CBX5: variants seen among roughly 807,000 people sequenced by gnomAD.
CBX5 encodes the protein chromobox protein homolog 5.
Under a neutral mutation model 20.7 loss-of-function variants are expected in CBX5, and 7 were observed. That is an observed-to-expected ratio of 0.34 (90% CI 0.19 to 0.63). CBX5 has a LOEUF of 0.63. CBX5 is among the 30% of genes least tolerant of loss of function. CBX5 has a pLI of 0.75. For synonymous variants in CBX5, 78 were observed against 77.0 expected, an observed-to-expected ratio of 1.01 and a Z score of -0.07; for missense variants, 110 against 224.1, an observed-to-expected ratio of 0.49 and a Z score of 3.25.
chr12:54,247,390 A>G (rs1279037371), intron 3 of CBX5, among the ~76,000 whole-genome samples: 1 of 152,202 alleles, frequency 6.6e-6, no homozygotes, highest in Non-Finnish European at 1.5e-5. Context: ...AGCTGGGCAC[A>G]GTGATGCACA....
chr12:54,244,836 C>T (rs929869472), intron 4 of CBX5, among the ~76,000 whole-genome samples: 4 of 152,022 alleles, frequency 2.6e-5, no homozygotes, highest in Non-Finnish European at 5.9e-5. Context: ...AGCTTTAATG[C>T]TTTTTGTTGA....
intron 1 of CBX5, among the ~76,000 whole-genome samples, chr12:54,267,249 T>C (rs890524053): frequency 1.3e-5 from 2 of 152,174 alleles, no homozygotes; most frequent in Non-Finnish European, 2.9e-5. Flanking sequence ...GAATCTTAGA[T>C]TTATACATAC....
intron 1 of CBX5, among the ~76,000 whole-genome samples, chr12:54,260,518 G>A (rs928058171): frequency 1.3e-5 from 2 of 150,682 alleles, no homozygotes; most frequent in South Asian, 4.2e-4. Context: ...AATGAATTTA[G>A]GTGGAAAAAA....
chr12:54,235,401 T>C lies in CBX5; in HGVS notation c.*6354A>G, dbSNP rs1389526363. On this transcript the variant is annotated 3_prime_UTR_variant, in exon 5 of 5. Transcript: ENST00000209875. Reference sequence around the variant, plus strand: ...AGGCCGAGGTGGGTGGATCATGAGGTCAGGAGATTGAGACCATCCTGGCTA... The same window carrying C: ...AGGCCGAGGTGGGTGGATCATGAGGCCAGGAGATTGAGACCATCCTGGCTA... The C allele has an allele frequency of 6.6e-6, 1 of 151,936 alleles. No homozygotes were observed. Among genetic ancestry groups the C allele is most frequent in the African/African-American group, 2.4e-5 (1 of 41,312 alleles). 9.4% of individuals were successfully genotyped at this position (151,936 alleles called of 1,614,324 possible). A position where few individuals can be genotyped will look rare whatever the true frequency, so the allele number is the denominator to read the frequency against.
rs1382031356 is a variant in CBX5, at chr12:54,238,253, A to G, written c.*3502T>C. On this transcript the variant is annotated 3_prime_UTR_variant, in exon 5 of 5. Coordinates refer to ENST00000209875, the MANE Select transcript of CBX5 (RefSeq NM_012117.3). ...GGATCAAGACAAGAAGAAGACAGAC[A>G]ATCACTTTGGAATTCTGAGACTACC... 6.6e-6 allele frequency: 1 copy of G among 152,232 alleles called. No individual in the cohort carries two copies. The highest frequency in any genetic ancestry group is 1.9e-4 in the East Asian group (1 of 5,196). The allele number at this position is 152,232 out of a possible 1,614,324, so 9.4% of individuals were successfully genotyped here.
rs186440380 is a variant in CBX5, at chr12:54,265,848, A to C, written c.-42-8156T>G. Reference sequence around the variant, plus strand: ...GATCACTTGACGTCAGGAGTTCAAGACCAGCGTGGCCAACATGGTGAAACC... The same window carrying C: ...GATCACTTGACGTCAGGAGTTCAAGCCCAGCGTGGCCAACATGGTGAAACC... On this transcript the variant is annotated intron_variant, in intron 1 of 4. Transcript: ENST00000209875. Among the ~76,000 whole-genome samples the C allele has an allele frequency of 5.5e-3, 843 of 152,200 alleles. 6 individuals are homozygous for C. Among genetic ancestry groups the C allele is most frequent in the Non-Finnish European group, 6.5e-3 (442 of 68,010 alleles).
intron 1 of CBX5, among the ~76,000 whole-genome samples, chr12:54,270,407 C>G (rs115682530): frequency 0.017 from 2,555 of 152,216 alleles, 77 homozygotes; most frequent in African/African-American, 0.058. Flanking sequence ...TCCCAACTAG[C>G]TGGGACTACT....
intron 2 of CBX5, 186 bp from the exon 3 acceptor site, chr12:54,252,413 A>G (rs933694402): frequency 8.4e-6 from 4 of 476,146 alleles, no homozygotes; most frequent in African/African-American, 8.2e-5. Flanking sequence ...AAAAAAGCCC[A>G]CACAAAGACT....
intron 1 of CBX5, among the ~76,000 whole-genome samples, chr12:54,264,645 C>T (rs911264305): frequency 2.6e-5 from 4 of 152,034 alleles, no homozygotes; most frequent in Non-Finnish European, 4.4e-5. Context: ...GAGTTTGAGA[C>T]CAGGCTGGCC....
At chr12:54,270,125 T>C (rs1760814720) in intron 1 of CBX5, among the ~76,000 whole-genome samples, 1 of 152,178 alleles carries the variant, frequency 6.6e-6, no homozygotes, top group Non-Finnish European at 1.5e-5. Context: ...ATCCCATTAA[T>C]TGCTGCTTTT....
At chr12:54,257,727 T>C in intron 1 of CBX5, 35 bp from the exon 2 acceptor site, 1 of 1,540,236 alleles carries the variant, frequency 6.5e-7, no homozygotes, top group Non-Finnish European at 8.9e-7. Context: ...TTAGAATCCA[T>C]GTGAGGAGTT....
At chr12:54,248,564 T>C (rs904728383) in intron 3 of CBX5, among the ~76,000 whole-genome samples, 9 of 152,180 alleles carry the variant, frequency 5.9e-5, no homozygotes, top group African/African-American at 1.7e-4. Context: ...TTTAAAAACA[T>C]AGCCTCTTTT....
chr12:54,263,586 T>C (rs1943930256), intron 1 of CBX5, among the ~76,000 whole-genome samples: 1 of 150,072 alleles, frequency 6.7e-6, no homozygotes, highest in Non-Finnish European at 1.5e-5. Flanking sequence ...CACAAAAAAA[T>C]TAGTCAGGCG....
chr12:54,273,988 C>A (rs1244077949), intron 1 of CBX5: 1 of 152,188 alleles, frequency 6.6e-6, no homozygotes, highest in Non-Finnish European at 1.5e-5. Flanking sequence ...TCCCTCATTT[C>A]AAAGGGTAAA....
At chr12:54,243,274 G>A (rs1943697314) in intron 4 of CBX5, among the ~76,000 whole-genome samples, 1 of 151,892 alleles carries the variant, frequency 6.6e-6, no homozygotes, top group Non-Finnish European at 1.5e-5. Context: ...ACATATGGCT[G>A]AGTAGGAAAA....
At chr12:54,278,014 T>C (rs957824061) in intron 1 of CBX5, among the ~76,000 whole-genome samples, 2 of 152,146 alleles carry the variant, frequency 1.3e-5, no homozygotes, top group African/African-American at 2.4e-5. Flanking sequence ...GTGCCCTGCA[T>C]ACTCCAGTAT....
intron 1 of CBX5, among the ~76,000 whole-genome samples, chr12:54,271,231 G>A (rs1944006479): frequency 6.6e-6 from 1 of 152,208 alleles, no homozygotes; most frequent in African/African-American, 2.4e-5. Flanking sequence ...TGTTGTTCAA[G>A]TCTTCCGTTT....
At position 54,231,235 on chromosome 12, in the gene CBX5, T is replaced by C. The variant is rs1943565388; in HGVS notation, c.*10520A>G. The C allele has an allele frequency of 6.5e-6, 1 of 152,706 alleles. No individual in the cohort carries two copies. The highest frequency in any genetic ancestry group is 1.5e-5 in the Non-Finnish European group (1 of 68,040). 9.5% of individuals were successfully genotyped at this position (152,706 alleles called of 1,614,324 possible). A position where few individuals can be genotyped will look rare whatever the true frequency, so the allele number is the denominator to read the frequency against. The stretch of plus-strand genomic sequence containing the variant: ...TGGAGAATTCAATTTCTCATTTCCA[T>C]TCAGAAATCTGGCTACAAAGTGATT... On this transcript the variant is annotated 3_prime_UTR_variant, in exon 5 of 5. Coordinates refer to ENST00000209875, the MANE Select transcript of CBX5 (RefSeq NM_012117.3).
intron 1 of CBX5, among the ~76,000 whole-genome samples, chr12:54,267,551 G>A (rs574436809): frequency 1.3e-5 from 2 of 150,380 alleles, no homozygotes; most frequent in Non-Finnish European, 3.0e-5. Context: ...TAGCTCTGTC[G>A]CCCAGGCTGG....
Sources: allele counts gnomAD v4.1 joint callset (sites outside exome capture counted in the v4.1 genomes callset), GRCh38; gene constraint gnomAD v4.1.1; transcripts MANE v1.5; gene names NCBI Gene and HGNC (gene_info 2026-07-23, HGNC 2026-07-21).